Variants in JAKMIP1 observed in about 807,000 individuals in gnomAD.
JAKMIP1 encodes janus kinase and microtubule interacting protein 1, also known as janus kinase and microtubule-interacting protein 1.
In JAKMIP1, 33 loss-of-function variants were observed where a neutral mutation model predicts 113.0. The ratio of observed to expected loss-of-function variants is 0.29; its 90% CI spans 0.22 to 0.39. The LOEUF (loss-of-function observed/expected upper bound fraction) is 0.39, where lower values mean the gene tolerates loss of function less well. Ranked by LOEUF, JAKMIP1 falls within the 10% of genes least tolerant of loss-of-function variation. JAKMIP1 has a pLI of 1.00. For missense variants in JAKMIP1, 813 were observed against 1,080.5 expected (o/e 0.75, Z 3.47); for synonymous variants, 480 against 459.9 (o/e 1.04, Z -0.56).
At chr4:6,170,191 C>G (rs973790897) in intron 1 of JAKMIP1, among the ~76,000 whole-genome samples, 2 of 150,062 alleles carry the variant, frequency 1.3e-5, no homozygotes, top group African/African-American at 4.9e-5. Flanking sequence ...CCATCACCAT[C>G]ACTACCACCA....
intron 18 of JAKMIP1, 108 bp from the exon 19 acceptor site, chr4:6,036,215 A>G: frequency 1.2e-6 from 1 of 858,426 alleles, no homozygotes; most frequent in Non-Finnish European, 1.8e-6. Context: ...GGTTTCGGGC[A>G]GGGAGGGGCA....
rs1278976284 is a variant in JAKMIP1 at position 6,181,205 on chromosome 4, C to T, written c.-148+19048G>A. Among the ~76,000 whole-genome samples, 1 of 152,214 alleles carries T rather than the reference C, an allele frequency of 6.6e-6. No homozygotes were observed. On this transcript the variant is annotated intron_variant, in intron 1 of 20. Transcript: ENST00000409021. This position sits in a 1 kb window ranked among gnomAD's most constrained non-coding sequence, Gnocchi z 5.4. ...ACACCTACCAAACACCTCCTGTGTG[C>T]ACAAGGCTTTGTGAGATGTGCTGGT...
At chr4:6,056,806 T>C in intron 11 of JAKMIP1, 47 bp from the exon 12 acceptor site, 1 of 1,312,918 alleles carries the variant, frequency 7.6e-7, no homozygotes, top group Non-Finnish European at 1.1e-6. Flanking sequence ...AGCAAACAGA[T>C]GGTCAAGTAA....
rs1236538541 is a variant in JAKMIP1 at position 6,116,140 on chromosome 4, A to G, written c.-147-3143T>C. Among the ~76,000 whole-genome samples, 1 of 152,016 alleles carries G rather than the reference A, an allele frequency of 6.6e-6. No homozygotes were observed. Among genetic ancestry groups the G allele is most frequent in the African/African-American group, 2.4e-5 (1 of 41,372 alleles). On this transcript the variant is annotated intron_variant, in intron 1 of 20. Transcript: ENST00000409021. This position sits in a 1 kb window ranked among gnomAD's most constrained non-coding sequence, Gnocchi z 5.1. ...GATGTCCAAAGTTCTGGGCCAAGTC[A>G]ATCTCGGAGCTCAGGGTGGGCCCCA...
At chr4:6,112,435 G>C (rs1403208715) in intron 2 of JAKMIP1, among the ~76,000 whole-genome samples, 2 of 152,190 alleles carry the variant, frequency 1.3e-5, no homozygotes, top group African/African-American at 2.4e-5. Flanking sequence ...CTGCTAAACT[G>C]AATTTGTCAA....
Position 6,081,524 on chromosome 4 carries a change from A to C in JAKMIP1, c.1101+85T>G. The stretch of plus-strand genomic sequence containing the variant: ...AGGTGGGCAGCAGGTGCGCCCCAGA[A>C]CATGTGAATCGGGAGGTTCAGGGCT... On this transcript the variant is annotated intron_variant, in intron 6 of 20. Coordinates refer to ENST00000409021, the MANE Select transcript of JAKMIP1 (RefSeq NM_001099433.2). The surrounding 1 kb of genome is among the most constrained non-coding windows in gnomAD (Gnocchi z 4.6). 6.6e-7 allele frequency: 1 copy of C among 1,520,762 alleles called. No individual in the cohort carries two copies. The highest frequency in any genetic ancestry group is 9.0e-7 in the Non-Finnish European group (1 of 1,109,810). 94.2% of individuals were successfully genotyped at this position (1,520,762 alleles called of 1,614,324 possible).
At position 6,049,852 on chromosome 4, in the gene JAKMIP1, A is replaced by C; in HGVS notation, c.1929T>G (p.Leu643=). The C allele has an allele frequency of 6.2e-7, 1 of 1,612,918 alleles. No individual in the cohort carries two copies. Among genetic ancestry groups the C allele is most frequent in the Non-Finnish European group, 8.5e-7 (1 of 1,179,046 alleles). The change falls in exon 15 of 21, where the codon CTT becomes CTG. Residue 643 remains leucine, a synonymous_variant. Transcript: ENST00000409021. The surrounding 1 kb of genome is among the most constrained non-coding windows in gnomAD (Gnocchi z 7.0). ...CGCCAAGGATATCTAATTTCTTCAT[A>C]AGTTCAGAAACATTCACATCCTGGA... ...EGVKDVNVSE[L]MKKLDILGDN...
rs1720478981 is a variant in JAKMIP1, at chr4:6,081,142, C to T, written c.1101+467G>A. Among the ~76,000 whole-genome samples the T allele has an allele frequency of 6.6e-6, 1 of 152,170 alleles. No homozygotes were observed. Among genetic ancestry groups the T allele is most frequent in the South Asian group, 2.1e-4 (1 of 4,822 alleles). ...AAATCATTCTGTAAACTGTCAACTA[C>T]AAGACGCCTGCCCTGACCACAAACA... On this transcript the variant is annotated intron_variant, in intron 6 of 20. Transcript: ENST00000409021. This position sits in a 1 kb window ranked among gnomAD's most constrained non-coding sequence, Gnocchi z 4.6.
Position 6,053,906 on chromosome 4 carries a change from A to AAAAG in JAKMIP1, c.1806+140_1806+143dup, listed in dbSNP as rs574362085. 1,496 of 1,532,104 alleles carry AAAAG rather than the reference A, an allele frequency of 9.8e-4. 1 individual carries two copies. Among genetic ancestry groups the AAAAG allele is most frequent in the East Asian group, 9.2e-3 (407 of 44,208 alleles). 94.9% of individuals were successfully genotyped at this position (1,532,104 alleles called of 1,614,324 possible). A position where few individuals can be genotyped will look rare whatever the true frequency, so the allele number is the denominator to read the frequency against. Reference sequence around the variant, plus strand: ...TTCTGAACATACAGATTTAAAAAAAAAAAGAAAGAAAGAAAGAAAGAAACT... The same window carrying AAAAG: ...TTCTGAACATACAGATTTAAAAAAAAAAAGAAAGAAAGAAAGAAAGAAAGAAACT... On this transcript the variant is annotated intron_variant, in intron 13 of 20. Coordinates refer to ENST00000409021, the MANE Select transcript of JAKMIP1 (RefSeq NM_001099433.2).
chr4:6,066,832 G>C (rs1404451771), intron 8 of JAKMIP1, among the ~76,000 whole-genome samples: 6 of 152,026 alleles, frequency 3.9e-5, no homozygotes, highest in Admixed American at 3.3e-4. Flanking sequence ...AGTGGTCTGC[G>C]AGGCCCTACA....
Position 6,116,189 on chromosome 4 carries a change from C to T in JAKMIP1, c.-147-3192G>A, listed in dbSNP as rs1392515161. 6.6e-6 allele frequency among the ~76,000 whole-genome samples: 1 copy of T among 152,120 alleles called. No individual in the cohort carries two copies. Among genetic ancestry groups the T allele is most frequent in the Non-Finnish European group, 1.5e-5 (1 of 68,018 alleles). On this transcript the variant is annotated intron_variant, in intron 1 of 20. Transcript: ENST00000409021. The surrounding 1 kb of genome is among the most constrained non-coding windows in gnomAD (Gnocchi z 5.1). ...CAGCAGCCGGCCTCTGTGCCATGGA[C>T]ACACTGTTGATAGTCCCGACGCTCA...
rs1215832661 is a variant in JAKMIP1 at position 6,061,174 on chromosome 4, T to C, written c.1561-667A>G. ...TTTCAAGAGAGGTCAGGAACCTGGA[T>C]TTCTCTATAGAATCTCTTGATTTTT... On this transcript the variant is annotated intron_variant, in intron 10 of 20. Transcript: ENST00000409021. This position sits in a 1 kb window ranked among gnomAD's most constrained non-coding sequence, Gnocchi z 5.3. Among the ~76,000 whole-genome samples the C allele has an allele frequency of 6.6e-6, 1 of 152,224 alleles. No individual in the cohort carries two copies. Among genetic ancestry groups the C allele is most frequent in the Admixed American group, 6.5e-5 (1 of 15,284 alleles).
At position 6,162,274 on chromosome 4, in the gene JAKMIP1, T is replaced by C. The variant is rs1038318985; in HGVS notation, c.-148+37979A>G. ...GCTGCTGGAAGGCCTACCTAGGTGG[T>C]GACAGGGCCAGCAGAGGAGAGACTC... On this transcript the variant is annotated intron_variant, in intron 1 of 20. Coordinates refer to ENST00000409021, the MANE Select transcript of JAKMIP1 (RefSeq NM_001099433.2). The surrounding 1 kb of genome is among the most constrained non-coding windows in gnomAD (Gnocchi z 5.6). Among the ~76,000 whole-genome samples, 4 of 152,200 alleles carry C rather than the reference T, an allele frequency of 2.6e-5. No individual in the cohort carries two copies. The highest frequency in any genetic ancestry group is 9.6e-5 in the African/African-American group (4 of 41,530).
rs1719632137 is a variant in JAKMIP1 at position 6,138,739 on chromosome 4, A to G, written c.-147-25742T>C. ...CAGCTCTGTCTCAGAATGGGTACGA[A>G]TCTTGACTCTACCACTTGTTAGCTG... On this transcript the variant is annotated intron_variant, in intron 1 of 20. Transcript: ENST00000409021. This position sits in a 1 kb window ranked among gnomAD's most constrained non-coding sequence, Gnocchi z 6.0. Among the ~76,000 whole-genome samples, 1 of 152,146 alleles carries G rather than the reference A, an allele frequency of 6.6e-6. No individual in the cohort carries two copies. Among genetic ancestry groups the G allele is most frequent in the South Asian group, 2.1e-4 (1 of 4,826 alleles).
At chr4:6,066,910 CCACACA>C (rs1436203186) in intron 8 of JAKMIP1, among the ~76,000 whole-genome samples, 5 of 151,760 alleles carry the variant, frequency 3.3e-5, no homozygotes, top group South Asian at 4.2e-4. Context: ...CTTCTGCACC[CCACACA>C]CACCTGCCAT....
intron 1 of JAKMIP1, among the ~76,000 whole-genome samples, chr4:6,195,351 G>T (rs1469158998): frequency 1.3e-5 from 2 of 152,286 alleles, no homozygotes; most frequent in African/African-American, 4.8e-5. Context: ...CAACAGTGTG[G>T]ATGTACTTCA....
chr4:6,100,811 C>T (rs558815579), intron 3 of JAKMIP1, among the ~76,000 whole-genome samples: 2 of 152,236 alleles, frequency 1.3e-5, no homozygotes, highest in Admixed American at 6.5e-5. Context: ...CTCTGGTTCC[C>T]TGATGATCAA....
Position 6,097,413 on chromosome 4 carries a change from G to C in JAKMIP1, c.624+8060C>G, listed in dbSNP as rs1487968307. On this transcript the variant is annotated intron_variant, in intron 3 of 20. Transcript: ENST00000409021. The surrounding 1 kb of genome is among the most constrained non-coding windows in gnomAD (Gnocchi z 4.3). ...TGGTAACATGTGAGCTTGCTTGCAT[G>C]GGGAGTCTGGGTGTGTATGGAAGCT... is the stretch of plus-strand genomic sequence containing the variant. Among the ~76,000 whole-genome samples, 1 of 152,234 alleles carries C rather than the reference G, an allele frequency of 6.6e-6. No individual in the cohort carries two copies. The highest frequency in any genetic ancestry group is 1.9e-4 in the East Asian group (1 of 5,208).
In JAKMIP1 at chr4:6,031,591, G is replaced by C. The variant is rs185952465; in HGVS notation, c.2380-1810C>G. Among the ~76,000 whole-genome samples, 11 of 152,290 alleles carry C rather than the reference G, an allele frequency of 7.2e-5. No individual in the cohort carries two copies. In the East Asian group the frequency reaches 2.1e-3, roughly 30 times the overall value. ...CCTTTGGTGGGGGGTCGGGGACAGA[G>C]CTCAGAGGGTCTGGAATGGCCCATG... is the stretch of plus-strand genomic sequence containing the variant. On this transcript the variant is annotated intron_variant, in intron 19 of 20. Coordinates refer to ENST00000409021, the MANE Select transcript of JAKMIP1 (RefSeq NM_001099433.2). The surrounding 1 kb of genome is among the most constrained non-coding windows in gnomAD (Gnocchi z 4.4).
Sources: allele counts gnomAD v4.1 joint callset (sites outside exome capture counted in the v4.1 genomes callset), GRCh38; gene constraint gnomAD v4.1.1; non-coding constraint Gnocchi (gnomAD v3.1); transcripts MANE v1.5; gene names NCBI Gene and HGNC (gene_info 2026-07-23, HGNC 2026-07-21).